KIF21A: variants seen among roughly 807,000 people sequenced by gnomAD.
The protein encoded by KIF21A is kinesin family member 21A.
Under a neutral mutation model 202.9 loss-of-function variants are expected in KIF21A, and 114 were observed. The observed-to-expected ratio is 0.56, with a 90% CI of 0.48 to 0.66. The LOEUF is 0.66. Ranked by LOEUF, KIF21A falls within the 30% of genes least tolerant of loss-of-function variation. The pLI, the probability that KIF21A is intolerant of heterozygous loss-of-function variation, is 0.00. For synonymous variants in KIF21A, 667 were observed against 670.8 expected (o/e 0.99, Z 0.09); for missense variants, 1,677 against 1,994.9 (o/e 0.84, Z 3.04).
chr12:39,413,609 G>T (rs1333865361), intron 1 of KIF21A, among the ~76,000 whole-genome samples: 1 of 152,080 alleles, frequency 6.6e-6, no homozygotes, highest in African/African-American at 2.4e-5. Flanking sequence ...ACTAAAAAAT[G>T]ATACACATAT....
Position 39,366,295 on chromosome 12 carries a change from C to T in KIF21A, c.903+55G>A, listed in dbSNP as rs937683239. On this transcript the variant is annotated intron_variant, in intron 6 of 37. Coordinates refer to ENST00000361418, the MANE Select transcript of KIF21A (RefSeq NM_001173464.2). ...TATGGATATTATAAATTACAAAAGA[C>T]AAAAGGACAATAGAAAAGCTCTGAT... The T allele has an allele frequency of 1.3e-5, 19 of 1,488,482 alleles. No individual in the cohort carries two copies. In the African/African-American group the frequency reaches 2.2e-4, roughly 17 times the overall value. 92.2% of individuals were successfully genotyped at this position (1,488,482 alleles called of 1,614,324 possible). A position where few individuals can be genotyped will look rare whatever the true frequency, so the allele number is the denominator to read the frequency against.
intron 1 of KIF21A, among the ~76,000 whole-genome samples, chr12:39,428,609 TAA>T (rs1247988301): frequency 6.6e-6 from 1 of 152,126 alleles, no homozygotes; most frequent in East Asian, 1.9e-4. Flanking sequence ...AGAGGAAAAG[TAA>T]AATTAATCAA....
intron 1 of KIF21A, among the ~76,000 whole-genome samples, chr12:39,420,523 CACTCCCTGTTTTGAAGACCCAGAA>C (rs1009239863): frequency 6.6e-6 from 1 of 152,078 alleles, no homozygotes; most frequent in African/African-American, 2.4e-5. Flanking sequence ...AATGTGTCTC[CACTCCCTGTTTTGAAGACCCAGAA>C]ACAGCAAAGT....
At chr12:39,319,565 T>C (rs1944973385) in intron 28 of KIF21A, among the ~76,000 whole-genome samples, 1 of 152,074 alleles carries the variant, frequency 6.6e-6, no homozygotes, top group Non-Finnish European at 1.5e-5. Context: ...CAAAATTAAT[T>C]CTAAATTTTT....
intron 37 of KIF21A, among the ~76,000 whole-genome samples, chr12:39,295,204 CATTGAA>C (rs1431532450): frequency 6.6e-6 from 1 of 152,136 alleles, no homozygotes; most frequent in African/African-American, 2.4e-5. Context: ...AGTTATTGTT[CATTGAA>C]ATTGAAATTT....
chr12:39,306,040 G>A (rs988529818), intron 34 of KIF21A, among the ~76,000 whole-genome samples: 5 of 152,152 alleles, frequency 3.3e-5, no homozygotes, highest in African/African-American at 1.2e-4. Context: ...CCAGCTATGC[G>A]GCTGGTAGAA....
intron 1 of KIF21A, among the ~76,000 whole-genome samples, chr12:39,381,168 C>T (rs1321271548): frequency 2.0e-5 from 3 of 151,444 alleles, no homozygotes; most frequent in Admixed American, 6.6e-5. Flanking sequence ...ATTAGCTGGG[C>T]GTGGTGGCGG....
chr12:39,331,487 A>G (rs372239372), intron 22 of KIF21A, among the ~76,000 whole-genome samples: 1 of 152,218 alleles, frequency 6.6e-6, no homozygotes, highest in Non-Finnish European at 1.5e-5. Flanking sequence ...CTAATAAACA[A>G]ACATAATGGA....
At chr12:39,433,465 CT>C (rs1938240866) in intron 1 of KIF21A, among the ~76,000 whole-genome samples, 1 of 152,130 alleles carries the variant, frequency 6.6e-6, no homozygotes, top group Non-Finnish European at 1.5e-5. Flanking sequence ...AATCCACAGC[CT>C]AGTGTAATAC....
At position 39,322,756 on chromosome 12, in the gene KIF21A, T is replaced by A; in HGVS notation, c.3583A>T (p.Ile1195Phe). ...PLTPVAEGQE[I>F]GMNTETSGTS... is the part of the protein sequence containing the mutation. ...CCACTTGTCTCTGTATTCATTCCAA[T>A]CTCTTGCCCTTCTGCAACAGGTGTG... The change falls in exon 27 of 38, where the codon ATT becomes TTT. Residue 1195 changes from isoleucine (I) to phenylalanine (F), a missense_variant. By Grantham distance (21) the Ile-to-Phe change is conservative. This residue lies in a region of KIF21A where 705 missense variants were observed against 791.9 expected (regional missense o/e 0.89). Coordinates refer to ENST00000361418, the MANE Select transcript of KIF21A (RefSeq NM_001173464.2). 1 of 1,614,154 alleles carries A rather than the reference T, an allele frequency of 6.2e-7. No individual in the cohort carries two copies. The highest frequency in any genetic ancestry group is 8.5e-7 in the Non-Finnish European group (1 of 1,180,010).
At chr12:39,346,568 A>G in intron 11 of KIF21A, 64 bp from the exon 12 acceptor site, 1 of 1,158,266 alleles carries the variant, frequency 8.6e-7, no homozygotes, top group Non-Finnish European at 1.1e-6. Context: ...AGACAGTAAA[A>G]AGCGAAAGTG....
chr12:39,331,740 T>G lies in KIF21A; in HGVS notation c.3103A>C (p.Thr1035Pro), dbSNP rs892495726. ...VTAVINACTLTEARYLLDHFL... is the reference protein window; with the variant it reads ...VTAVINACTLPEARYLLDHFL... ...TGATCTAGCAGGTATCGGGCTTCTG[T>G]AAGGGTGCAGGCATTAATGACTGCA... Residue 1035 changes from threonine to proline, a missense_variant, in exon 22 of 38, where the codon ACA (threonine) becomes CCA (proline). By Grantham distance (38) the Thr-to-Pro change is conservative (BLOSUM62 -1). Transcript: ENST00000361418. The G allele has an allele frequency of 6.2e-7, 1 of 1,613,734 alleles. No homozygotes were observed. Among genetic ancestry groups the G allele is most frequent in the Non-Finnish European group, 8.5e-7 (1 of 1,179,710 alleles).
chr12:39,310,614 T>G (rs906539035), intron 32 of KIF21A, among the ~76,000 whole-genome samples: 1 of 152,086 alleles, frequency 6.6e-6, no homozygotes, highest in Admixed American at 6.6e-5. Flanking sequence ...CACTTTTATC[T>G]TCATGTCTCT....
chr12:39,411,809 T>C (rs917661754), intron 1 of KIF21A, among the ~76,000 whole-genome samples: 8 of 152,150 alleles, frequency 5.3e-5, no homozygotes, highest in African/African-American at 1.9e-4. Flanking sequence ...AGTGCTGGGA[T>C]TATAGGTATG....
intron 11 of KIF21A, 79 bp downstream of exon 11, chr12:39,351,698 G>A: frequency 2.4e-6 from 2 of 836,944 alleles, no homozygotes; most frequent in South Asian, 3.0e-5. Flanking sequence ...ATGAGACTAT[G>A]TATGCTCTTT....
chr12:39,309,895 C>G (rs1943853870), intron 32 of KIF21A, 129 bp from the exon 33 acceptor site: 1 of 799,546 alleles, frequency 1.3e-6, no homozygotes, highest in Non-Finnish European at 2.0e-6. Context: ...TAACATACCA[C>G]AAGGATCCTA....
At chr12:39,321,979 CTA>C (rs1161359436) in intron 27 of KIF21A, 5 of 152,402 alleles carry the variant, frequency 3.3e-5, no homozygotes, top group Non-Finnish European at 5.9e-5. Flanking sequence ...ACACACAGGA[CTA>C]TGTGGGAAAA....
Position 39,303,055 on chromosome 12 carries a change from T to TCTATGAATGG in KIF21A, c.4640_4641insCCATTCATAG (p.Glu1547AspfsTer4), listed in dbSNP as rs780066416. The TCTATGAATGG allele has an allele frequency of 6.2e-7, 1 of 1,613,888 alleles. No individual in the cohort carries two copies. Among genetic ancestry groups the TCTATGAATGG allele is most frequent in the South Asian group, 1.1e-5 (1 of 91,080 alleles). On this transcript the variant is annotated stop_gained and frameshift_variant, in exon 36 of 38. Coordinates refer to ENST00000361418, the MANE Select transcript of KIF21A (RefSeq NM_001173464.2). LOFTEE classifies it high-confidence loss of function. ...GGTTATCCCCTTGAATGGTTAGTGC[T>TCTATGAATGG]TCTATGCCATCATAATGAGGGGGTT... is the stretch of plus-strand genomic sequence containing the variant.
At chr12:39,366,001 G>A (rs80083539) in intron 6 of KIF21A, among the ~76,000 whole-genome samples, 2 of 151,982 alleles carry the variant, frequency 1.3e-5, no homozygotes, top group Non-Finnish European at 2.9e-5. Context: ...GTGAGACCCT[G>A]TTTTAAAAAA....
Sources: gnomAD v4.1 joint callset for allele counts (sites outside exome capture counted in the v4.1 genomes callset) on GRCh38, gnomAD v4.1.1 for gene constraint, gnomAD v4.1.1 regional missense constraint, MANE v1.5 for transcripts, NCBI Gene and HGNC (gene_info 2026-07-23, HGNC 2026-07-21) for gene names.